The following CRTAC1 variants were observed in gnomAD, a reference collection of about 807,000 sequenced individuals.
CRTAC1 encodes the protein acidic secreted protein in cartilage.
CRTAC1 carries 37 observed loss-of-function variants against 67.8 expected under a neutral mutation model. The ratio of observed to expected loss-of-function variants is 0.55; its 90% CI spans 0.42 to 0.72. The LOEUF (loss-of-function observed/expected upper bound fraction) is 0.72, where lower values mean the gene tolerates loss of function less well. Among genes scored for constraint, CRTAC1 ranks in the 30% least tolerant of loss-of-function variants. The pLI, the probability that CRTAC1 is intolerant of heterozygous loss-of-function variation, is 0.00. For synonymous variants in CRTAC1, 348 were observed against 371.0 expected, an observed-to-expected ratio of 0.94 and a Z score of 0.71; for missense variants, 780 against 931.6, an observed-to-expected ratio of 0.84 and a Z score of 2.12.
intron 5 of CRTAC1, among the ~76,000 whole-genome samples, chr10:97,915,936 C>T (rs1452839308): frequency 1.3e-5 from 2 of 152,014 alleles, no homozygotes; most frequent in East Asian, 1.9e-4. Flanking sequence ...CCAGCCGGCA[C>T]AGTTGGCTGG....
chr10:98,016,722 G>T (rs893411847), intron 1 of CRTAC1, among the ~76,000 whole-genome samples: 1 of 152,182 alleles, frequency 6.6e-6, no homozygotes, highest in Non-Finnish European at 1.5e-5. Context: ...TCATGTTAAT[G>T]GACAGTCTGG....
At chr10:97,909,002 T>A (rs978749106) in intron 5 of CRTAC1, among the ~76,000 whole-genome samples, 6 of 152,232 alleles carry the variant, frequency 3.9e-5, no homozygotes, top group Admixed American at 1.3e-4. Context: ...TGGCCTTTTT[T>A]CTTTGAATGT....
chr10:97,936,362 T>C lies in CRTAC1; in HGVS notation c.229A>G (p.Asn77Asp). The change falls in exon 3 of 15, where the codon AAT (asparagine) becomes GAT (aspartate). Residue 77 changes from asparagine (N) to aspartate (D), a missense_variant. Asn to Asp is a conservative substitution (Grantham distance 23). Coordinates refer to ENST00000370597, the MANE Select transcript of CRTAC1 (RefSeq NM_018058.7). ...TACTTCAGAACCAGGTTGGGTCCAT[T>C]GTACCTGGAGGAGGAATGGGGAGGG... is the stretch of plus-strand genomic sequence containing the variant. ...GDFEIVVAGY[N>D]GPNLVLKYDR... 6.2e-7 allele frequency: 1 copy of C among 1,606,522 alleles called. No individual in the cohort carries two copies. The highest frequency in any genetic ancestry group is 8.5e-7 in the Non-Finnish European group (1 of 1,174,282).
chr10:97,874,851 C>T (rs183077653), intron 14 of CRTAC1, among the ~76,000 whole-genome samples: 27 of 152,288 alleles, frequency 1.8e-4, no homozygotes, highest in African/African-American at 5.3e-4. Context: ...CACCTCCATC[C>T]GGGCCTTCCC....
intron 14 of CRTAC1, chr10:97,869,287 T>C (rs1458466800): frequency 2.6e-5 from 4 of 152,594 alleles, no homozygotes; most frequent in Non-Finnish European, 4.4e-5. Context: ...TGAAGGGTAG[T>C]GGGGGACTCG....
chr10:97,907,527 T>TTTAGAAA (rs1204262453), intron 6 of CRTAC1, among the ~76,000 whole-genome samples: 4 of 129,540 alleles, frequency 3.1e-5, no homozygotes, highest in Non-Finnish European at 6.8e-5. Flanking sequence ...TACATCTGTT[T>TTTAGAAA]CTAGAAAGTC....
chr10:97,974,277 C>T (rs187160924), intron 2 of CRTAC1, among the ~76,000 whole-genome samples: 7 of 152,244 alleles, frequency 4.6e-5, no homozygotes, highest in South Asian at 2.1e-4. Context: ...CTGGGTACAG[C>T]GAAGCTGCCA....
At chr10:97,944,119 A>G (rs957473164) in intron 2 of CRTAC1, among the ~76,000 whole-genome samples, 18 of 152,140 alleles carry the variant, frequency 1.2e-4, no homozygotes, top group African/African-American at 4.3e-4. Flanking sequence ...CTTTGGGGGA[A>G]AAAGAAACTG....
chr10:97,904,452 C>T lies in CRTAC1; in HGVS notation c.996+217G>A, dbSNP rs371902213. On this transcript the variant is annotated intron_variant, in intron 7 of 14. Transcript: ENST00000370597. ...TATTTTTTTATTTGAGATGGAGTCT[C>T]GCTCTGTCACTCAGGCTGGAGTGCA... 3.0e-4 allele frequency among the ~76,000 whole-genome samples: 46 copies of T among 152,210 alleles called. No individual in the cohort carries two copies. In the East Asian group the frequency reaches 6.8e-3, roughly 22 times the overall value.
At chr10:97,919,460 G>A (rs2050805476) in intron 4 of CRTAC1, among the ~76,000 whole-genome samples, 3 of 152,198 alleles carry the variant, frequency 2.0e-5, no homozygotes, top group South Asian at 2.1e-4. Context: ...AATATAAAAT[G>A]CAAGGCAGAG....
rs2136714193 is a variant in CRTAC1 at position 98,029,012 on chromosome 10, C to T, written c.24+1437G>A. Among the ~76,000 whole-genome samples, 1 of 152,262 alleles carries T rather than the reference C, an allele frequency of 6.6e-6. No homozygotes were observed. The highest frequency in any genetic ancestry group is 2.1e-4 in the South Asian group (1 of 4,810). ...GGTCCTCTGTGCCATCATCAAGACC[C>T]TCAACTCCCTTCATTACCTCTTAAA... is the stretch of plus-strand genomic sequence containing the variant. On this transcript the variant is annotated intron_variant, in intron 1 of 14. Transcript: ENST00000370597. This position sits in a 1 kb window ranked among gnomAD's most constrained non-coding sequence, Gnocchi z 4.7.
At chr10:97,868,094 AG>A (rs1429682457) in intron 14 of CRTAC1, 1 of 152,278 alleles carries the variant, frequency 6.6e-6, no homozygotes, top group Non-Finnish European at 1.5e-5. Context: ...AAGATGAGAA[AG>A]TAGCTGGATG....
chr10:97,964,321 G>A (rs1370434018), intron 2 of CRTAC1, among the ~76,000 whole-genome samples: 1 of 152,182 alleles, frequency 6.6e-6, no homozygotes, highest in Non-Finnish European at 1.5e-5. Flanking sequence ...CTCCTCCATG[G>A]TTATTCTGCA....
intron 1 of CRTAC1, among the ~76,000 whole-genome samples, chr10:98,023,069 T>C (rs1007685268): frequency 1.3e-5 from 2 of 152,206 alleles, no homozygotes; most frequent in African/African-American, 4.8e-5. Flanking sequence ...CAAATTTCCA[T>C]GCAGTCTATC....
chr10:97,964,381 C>T (rs952565096), intron 2 of CRTAC1, among the ~76,000 whole-genome samples: 3 of 152,178 alleles, frequency 2.0e-5, no homozygotes, highest in Admixed American at 6.5e-5. Flanking sequence ...GTCTTATTCA[C>T]GTGGGTTCCC....
chr10:97,907,195 A>G (rs890712680), intron 6 of CRTAC1, among the ~76,000 whole-genome samples: 1 of 152,228 alleles, frequency 6.6e-6, no homozygotes, highest in Non-Finnish European at 1.5e-5. Flanking sequence ...CTCATAGACA[A>G]ACCATGATGG....
Position 98,000,547 on chromosome 10 carries a change from G to A in CRTAC1, c.224+10591C>T, listed in dbSNP as rs113374168. ...CCCCTTGCCACTCCACATCTGACTC[G>A]CAGTCTCCCTTGGAGGCGTGGGATC... is the stretch of plus-strand genomic sequence containing the variant. On this transcript the variant is annotated intron_variant, in intron 2 of 14. Transcript: ENST00000370597. Among the ~76,000 whole-genome samples the A allele has an allele frequency of 3.1e-3, 475 of 152,314 alleles. 1 individual carries two copies. Among genetic ancestry groups the A allele is most frequent in the Admixed American group, 4.8e-3 (74 of 15,308 alleles).
In CRTAC1 at chr10:97,970,204, A is replaced by T. The variant is rs572611645; in HGVS notation, c.225-33838T>A. Among the ~76,000 whole-genome samples the T allele has an allele frequency of 5.9e-5, 9 of 152,176 alleles. No homozygotes were observed. In the South Asian group the frequency reaches 1.7e-3, roughly 28 times the overall value. The stretch of plus-strand genomic sequence containing the variant: ...CTTACAATATATTAATACACAGAAC[A>T]TGGTTATTTCTCACACTCTGCTAAT... On this transcript the variant is annotated intron_variant, in intron 2 of 14. Transcript: ENST00000370597.
intron 2 of CRTAC1, 76 bp downstream of exon 2, chr10:98,011,062 G>A: frequency 2.4e-6 from 3 of 1,253,074 alleles, no homozygotes; most frequent in Non-Finnish European, 2.3e-6. Context: ...AGTCACTGGG[G>A]TTTGGAGTTG....
Sources: allele counts gnomAD v4.1 joint callset (sites outside exome capture counted in the v4.1 genomes callset), GRCh38; gene constraint gnomAD v4.1.1; non-coding constraint Gnocchi (gnomAD v3.1); transcripts MANE v1.5; gene names NCBI Gene and HGNC (gene_info 2026-07-23, HGNC 2026-07-21).